Variants in SLC44A5 observed in about 807,000 individuals in gnomAD.
SLC44A5 encodes the protein solute carrier family 44 member 5, also known as choline transporter-like protein 5.
A neutral mutation model predicts 101.8 loss-of-function variants in SLC44A5; 57 were observed. The observed-to-expected ratio is 0.56, with a 90% CI of 0.45 to 0.70. The LOEUF (loss-of-function observed/expected upper bound fraction) is 0.70, where lower values mean the gene tolerates loss of function less well. SLC44A5 is among the 30% of genes least tolerant of loss of function. SLC44A5 has a pLI of 0.00. For missense variants in SLC44A5, 737 were observed against 853.1 expected, an observed-to-expected ratio of 0.86 and a Z score of 1.70; for synonymous variants, 281 against 290.9, an observed-to-expected ratio of 0.97 and a Z score of 0.35.
chr1:75,689,312 CTCCA>C, the SLC44A5 span, among the ~76,000 whole-genome samples: 33,617 of 151,948 alleles, frequency 0.22, 5,026 homozygotes, highest in East Asian at 0.67. Context: ...TATCAGGTTT[CTCCA>C]TCCAAGGCCC....
intron 19 of SLC44A5, 144 bp from the exon 20 acceptor site, chr1:75,214,822 G>T: frequency 1.6e-6 from 1 of 617,260 alleles, no homozygotes; most frequent in Non-Finnish European, 2.8e-6. Flanking sequence ...TGTATTTGTG[G>T]GACACACTGT....
chr1:75,706,085 A>G, the SLC44A5 span, among the ~76,000 whole-genome samples: 2 of 152,154 alleles, frequency 1.3e-5, no homozygotes, highest in Non-Finnish European at 2.9e-5. Context: ...TGGTTGGTTC[A>G]TTGCTTTTTA....
intron 2 of SLC44A5, among the ~76,000 whole-genome samples, chr1:75,449,658 G>A (rs910717502): frequency 6.6e-5 from 10 of 152,148 alleles, no homozygotes; most frequent in African/African-American, 2.2e-4. Context: ...CAAGATCTAA[G>A]ACGAGTGGTT....
chr1:75,679,002 C>T, the SLC44A5 span, among the ~76,000 whole-genome samples: 4 of 151,958 alleles, frequency 2.6e-5, no homozygotes, highest in Non-Finnish European at 5.9e-5. Context: ...AACTGGAAGA[C>T]AGGGTATCAG....
intron 3 of SLC44A5, among the ~76,000 whole-genome samples, chr1:75,385,436 G>T (rs554096689): frequency 6.6e-6 from 1 of 152,062 alleles, no homozygotes; most frequent in African/African-American, 2.4e-5. Context: ...ATATCTCTAC[G>T]CAAATAAACT....
chr1:75,303,744 A>G (rs934817946), intron 4 of SLC44A5, among the ~76,000 whole-genome samples: 8 of 152,178 alleles, frequency 5.3e-5, no homozygotes, highest in African/African-American at 1.9e-4. Context: ...GCATTTCTCA[A>G]TAATTCACAC....
At chr1:75,279,621 C>CT (rs376218619) in intron 5 of SLC44A5, among the ~76,000 whole-genome samples, 1 of 151,856 alleles carries the variant, frequency 6.6e-6, no homozygotes, top group East Asian at 1.9e-4. Flanking sequence ...TTGAAAAAAC[C>CT]TTTTTTTTGT....
chr1:75,697,924 C>A, the SLC44A5 span, among the ~76,000 whole-genome samples: 1 of 152,174 alleles, frequency 6.6e-6, no homozygotes, highest in Non-Finnish European at 1.5e-5. Flanking sequence ...CACTCCCAAC[C>A]GAATACTGTG....
At chr1:75,690,247 T>A in the SLC44A5 span, among the ~76,000 whole-genome samples, 156 of 152,190 alleles carry the variant, frequency 1.0e-3, no homozygotes, top group Non-Finnish European at 1.7e-3. Flanking sequence ...ACAAGGCATG[T>A]CTTACATGGT....
intron 14 of SLC44A5, among the ~76,000 whole-genome samples, chr1:75,220,165 T>C (rs1030333874): frequency 2.6e-5 from 4 of 152,200 alleles, no homozygotes; most frequent in Admixed American, 6.5e-5. Context: ...ATTGTAATCA[T>C]GGCATTTCTT....
At chr1:75,535,587 A>G (rs1375674555) in intron 2 of SLC44A5, among the ~76,000 whole-genome samples, 1 of 152,184 alleles carries the variant, frequency 6.6e-6, no homozygotes, top group Non-Finnish European at 1.5e-5. Context: ...AGTTCTGGCC[A>G]TATCCCACCA....
chr1:75,720,138 C>A, the SLC44A5 span, among the ~76,000 whole-genome samples: 4 of 152,216 alleles, frequency 2.6e-5, no homozygotes, highest in East Asian at 7.7e-4. Context: ...CTGAGTCACC[C>A]TTTCCCTGTG....
At chr1:75,698,555 A>G in the SLC44A5 span, among the ~76,000 whole-genome samples, 3 of 152,244 alleles carry the variant, frequency 2.0e-5, no homozygotes, top group East Asian at 5.8e-4. Context: ...GATGCGGAAA[A>G]AACAGAGCAG....
chr1:75,320,478 A>C (rs1170542677), intron 4 of SLC44A5, among the ~76,000 whole-genome samples: 1 of 152,174 alleles, frequency 6.6e-6, no homozygotes, highest in Non-Finnish European at 1.5e-5. Context: ...ATGCCTATGT[A>C]TTGTACTCTA....
chr1:75,341,222 G>A (rs1029769721), intron 3 of SLC44A5, among the ~76,000 whole-genome samples: 5 of 152,128 alleles, frequency 3.3e-5, no homozygotes, highest in African/African-American at 9.7e-5. Context: ...CGAGAGGGCC[G>A]GACATGGGTG....
At chr1:75,214,888 T>C (rs1311817312) in intron 19 of SLC44A5, among the ~76,000 whole-genome samples, 6 of 152,194 alleles carry the variant, frequency 3.9e-5, no homozygotes, top group African/African-American at 9.7e-5. Flanking sequence ...GTGCTTCCGA[T>C]ACTGTATGCC....
the SLC44A5 span, among the ~76,000 whole-genome samples, chr1:75,668,495 T>C: frequency 6.6e-6 from 1 of 150,680 alleles, no homozygotes; most frequent in Non-Finnish European, 1.5e-5. Flanking sequence ...CGGTTAATTT[T>C]TTGAGAAGGA....
chr1:75,551,960 C>T (rs1570594775), intron 1 of SLC44A5, among the ~76,000 whole-genome samples: 1 of 152,228 alleles, frequency 6.6e-6, no homozygotes, highest in East Asian at 1.9e-4. Flanking sequence ...CAGTCAATCC[C>T]TAATTTTCCT....
intron 6 of SLC44A5, among the ~76,000 whole-genome samples, chr1:75,263,080 T>C (rs1650673268): frequency 6.6e-6 from 1 of 152,188 alleles, no homozygotes; most frequent in Non-Finnish European, 1.5e-5. Context: ...GGCAAGGACT[T>C]CATGACTAAA....
Sources: allele counts gnomAD v4.1 joint callset (sites outside exome capture counted in the v4.1 genomes callset), GRCh38; gene constraint gnomAD v4.1.1; transcripts MANE v1.5; gene names NCBI Gene and HGNC (gene_info 2026-07-23, HGNC 2026-07-21).